ADAM10: variants seen among roughly 807,000 people sequenced by gnomAD.
ADAM10 encodes the protein disintegrin and metalloproteinase domain-containing protein 10.
Under a neutral mutation model 90.1 loss-of-function variants are expected in ADAM10, and 17 were observed. That is an observed-to-expected ratio of 0.19 (90% confidence interval 0.13 to 0.28). ADAM10 has a LOEUF of 0.28. Ranked by LOEUF, ADAM10 falls within the 10% of genes least tolerant of loss-of-function variation. The pLI is 1.00. For synonymous variants in ADAM10, 310 were observed against 298.6 expected (o/e 1.04, Z -0.40); for missense variants, 610 against 914.3 (o/e 0.67, Z 4.29).
At chr15:58,638,037 A>G (rs1896314689) in intron 8 of ADAM10, among the ~76,000 whole-genome samples, 1 of 152,108 alleles carries the variant, frequency 6.6e-6, no homozygotes, top group Non-Finnish European at 1.5e-5. Context: ...GGTAACCTAC[A>G]CTCGAAAAAG....
At chr15:58,694,655 T>A (rs1368213367) in intron 2 of ADAM10, among the ~76,000 whole-genome samples, 2 of 152,018 alleles carry the variant, frequency 1.3e-5, no homozygotes, top group Admixed American at 1.3e-4. Context: ...GCAGCTTTAT[T>A]TATAATAGCC....
Position 58,640,817 on chromosome 15 carries a change from A to G in ADAM10, c.972T>C (p.Asp324=). The G allele has an allele frequency of 6.2e-7, 1 of 1,614,172 alleles. No homozygotes were observed. Among genetic ancestry groups the G allele is most frequent in the Non-Finnish European group, 8.5e-7 (1 of 1,180,016 alleles). ...CCCAAGCCAGACCAAGTACGCCATC[A>G]TCAAAATCTCGGTCTGTGAAGACAT... ...LAYVFTDRDF[D]DGVLGLAWVG... Residue 324 remains aspartate, a synonymous_variant, in exon 8 of 16, where the codon GAT becomes GAC. Coordinates refer to ENST00000260408, the MANE Select transcript of ADAM10 (RefSeq NM_001110.4).
intron 2 of ADAM10, among the ~76,000 whole-genome samples, chr15:58,685,695 T>C (rs1011014883): frequency 6.6e-6 from 1 of 151,440 alleles, no homozygotes; most frequent in Non-Finnish European, 1.5e-5. Context: ...GTAACAATGG[T>C]TGTCCCCAAG....
intron 14 of ADAM10, among the ~76,000 whole-genome samples, chr15:58,605,927 T>C (rs1309166879): frequency 2.0e-5 from 3 of 152,086 alleles, no homozygotes; most frequent in South Asian, 2.1e-4. Flanking sequence ...AGAACCTATA[T>C]GGTAACAAAA....
intron 11 of ADAM10, among the ~76,000 whole-genome samples, chr15:58,615,781 G>A (rs772782384): frequency 3.9e-5 from 6 of 152,088 alleles, no homozygotes; most frequent in Non-Finnish European, 7.4e-5. Context: ...GCCGAGGCGG[G>A]CAGATCACCT....
At chr15:58,692,262 G>A (rs769799538) in intron 2 of ADAM10, 2 of 603,598 alleles carry the variant, frequency 3.3e-6, no homozygotes, top group Admixed American at 1.9e-5. Context: ...TGACTGCCAA[G>A]TGGTCTTCCC....
rs1894811035 is a variant in ADAM10 at position 58,590,909 on chromosome 15, T to C, written c.*6638A>G. 2 of 152,202 alleles carry C rather than the reference T, an allele frequency of 1.3e-5. No homozygotes were observed. Among genetic ancestry groups the C allele is most frequent in the Non-Finnish European group, 2.9e-5 (2 of 68,022 alleles). The allele number at this position is 152,202 out of a possible 1,614,324, so 9.4% of individuals were successfully genotyped here. On this transcript the variant is annotated 3_prime_UTR_variant, in exon 16 of 16. Coordinates refer to ENST00000260408, the MANE Select transcript of ADAM10 (RefSeq NM_001110.4). ...TCTTATCAAATTATTCTCATTTTTTTACACTGAGAACAAACAACTACAGAA... is the reference window on the plus strand; with the variant it reads ...TCTTATCAAATTATTCTCATTTTTTCACACTGAGAACAAACAACTACAGAA...
At chr15:58,626,641 C>G (rs1394381320) in intron 10 of ADAM10, among the ~76,000 whole-genome samples, 1 of 152,102 alleles carries the variant, frequency 6.6e-6, no homozygotes, top group African/African-American at 2.4e-5. Flanking sequence ...AGGAATGGAA[C>G]TCTGATACAT....
At chr15:58,712,523 C>A (rs1248188408) in intron 2 of ADAM10, among the ~76,000 whole-genome samples, 58 of 132,504 alleles carry the variant, frequency 4.4e-4, no homozygotes, top group Middle Eastern at 4.2e-3. Context: ...GGCCCTGTTT[C>A]AAAAAAAAAA....
intron 2 of ADAM10, among the ~76,000 whole-genome samples, chr15:58,716,642 A>T (rs1319944007): frequency 6.6e-6 from 1 of 152,250 alleles, no homozygotes; most frequent in Non-Finnish European, 1.5e-5. Context: ...GCTAACAATC[A>T]TTAATTGAAG....
intron 11 of ADAM10, among the ~76,000 whole-genome samples, chr15:58,612,884 G>A (rs947833298): frequency 3.9e-5 from 6 of 152,168 alleles, no homozygotes; most frequent in South Asian, 2.1e-4. Context: ...TTGCCAGACA[G>A]TAAACATGCA....
intron 2 of ADAM10, among the ~76,000 whole-genome samples, chr15:58,685,529 C>A (rs1206423274): frequency 1.7e-5 from 2 of 119,466 alleles, no homozygotes; most frequent in Non-Finnish European, 3.7e-5. Context: ...TTTTTAAAAA[C>A]AAGAATATGA....
At chr15:58,646,252 T>C (rs2140696150) in intron 5 of ADAM10, 48 bp from the exon 6 acceptor site, 1 of 1,540,028 alleles carries the variant, frequency 6.5e-7, no homozygotes, top group Non-Finnish European at 8.9e-7. Flanking sequence ...TTCAATACTA[T>C]CATTTTATCT....
chr15:58,633,875 A>T (rs558683055), intron 8 of ADAM10, among the ~76,000 whole-genome samples: 19 of 151,754 alleles, frequency 1.3e-4, no homozygotes, highest in Middle Eastern at 3.4e-3. Flanking sequence ...ATTTGTAAAA[A>T]TAGAAAATAA....
intron 1 of ADAM10, among the ~76,000 whole-genome samples, chr15:58,723,920 G>C (rs1898944803): frequency 6.6e-6 from 1 of 152,094 alleles, no homozygotes; most frequent in South Asian, 2.1e-4. Context: ...AGCAGAATCA[G>C]TCTTAGATTA....
At chr15:58,675,130 G>A (rs1475086047) in intron 4 of ADAM10, among the ~76,000 whole-genome samples, 7 of 152,278 alleles carry the variant, frequency 4.6e-5, no homozygotes, top group South Asian at 2.1e-4. Context: ...CCCAGAAGGC[G>A]GAGGTTGCAG....
intron 2 of ADAM10, among the ~76,000 whole-genome samples, chr15:58,714,813 T>A (rs1182594821): frequency 6.6e-6 from 1 of 151,210 alleles, no homozygotes; most frequent in Non-Finnish European, 1.5e-5. Context: ...TTAGGAGGAG[T>A]TACAGTGTAC....
At chr15:58,608,632 T>C (rs554253351) in intron 14 of ADAM10, among the ~76,000 whole-genome samples, 1 of 152,336 alleles carries the variant, frequency 6.6e-6, no homozygotes, top group African/African-American at 2.4e-5. Flanking sequence ...AGTGTCTGAT[T>C]AATTAGTTCC....
intron 8 of ADAM10, among the ~76,000 whole-genome samples, chr15:58,636,740 G>C (rs1166516312): frequency 6.6e-6 from 1 of 151,772 alleles, no homozygotes; most frequent in Non-Finnish European, 1.5e-5. Context: ...CCAAAAAAAA[G>C]TCTTAGAAAA....
Sources: gnomAD v4.1 joint callset for allele counts (sites outside exome capture counted in the v4.1 genomes callset) on GRCh38, gnomAD v4.1.1 for gene constraint, MANE v1.5 for transcripts, NCBI Gene and HGNC (gene_info 2026-07-23, HGNC 2026-07-21) for gene names.